The following HORMAD2 variants were observed in gnomAD, a reference collection of about 807,000 sequenced individuals.
HORMAD2 encodes HORMA domain containing 2.
Under a neutral mutation model 38.8 loss-of-function variants are expected in HORMAD2, and 45 were observed. The observed-to-expected ratio is 1.16, with a 90% CI of 0.91 to 1.49. The LOEUF (loss-of-function observed/expected upper bound fraction) is 1.49, where lower values mean the gene tolerates loss of function less well. HORMAD2 is among the 40% of genes most tolerant of loss of function. The pLI is 0.00. For missense variants in HORMAD2, 338 were observed against 367.0 expected, an observed-to-expected ratio of 0.92 and a Z score of 0.65; for synonymous variants, 126 against 122.8, an observed-to-expected ratio of 1.03 and a Z score of -0.17.
At chr22:30,187,522 T>G in the HORMAD2 span, among the ~76,000 whole-genome samples, 5 of 152,194 alleles carry the variant, frequency 3.3e-5, no homozygotes, top group East Asian at 9.6e-4. Flanking sequence ...TGTGTGTGTG[T>G]GTGTGTGTGT....
intron 7 of HORMAD2, 150 bp downstream of exon 7, chr22:30,112,672 C>T (rs995342749): frequency 1.1e-5 from 5 of 436,894 alleles, no homozygotes; most frequent in Non-Finnish European, 1.2e-5. Context: ...TTACTCTAAA[C>T]TTGACCAATC....
the HORMAD2 span, among the ~76,000 whole-genome samples, chr22:30,203,993 A>G: frequency 6.6e-6 from 1 of 152,112 alleles, no homozygotes; most frequent in African/African-American, 2.4e-5. Flanking sequence ...GCACACACAC[A>G]TGTGCATCCT....
At chr22:30,100,323 A>G (rs1920934113) in intron 3 of HORMAD2, among the ~76,000 whole-genome samples, 2 of 152,370 alleles carry the variant, frequency 1.3e-5, no homozygotes, top group South Asian at 4.1e-4. Flanking sequence ...TGACAAAAAC[A>G]AGCATTGAGT....
At chr22:30,133,051 C>A (rs531486296) in intron 10 of HORMAD2, among the ~76,000 whole-genome samples, 1 of 152,172 alleles carries the variant, frequency 6.6e-6, no homozygotes, top group South Asian at 2.1e-4. Context: ...ACAATGTTAT[C>A]ATTACACCAA....
At position 30,137,289 on chromosome 22, in the gene HORMAD2, T is replaced by G. The variant is rs73883373; in HGVS notation, c.819+15075T>G. The G allele has an allele frequency of 5.4e-3, 2,874 of 531,694 alleles. 77 individuals are homozygous for G. Among genetic ancestry groups the G allele is most frequent in the African/African-American group, 0.051 (2,648 of 52,366 alleles). The allele number at this position is 531,694 out of a possible 1,614,324, so 32.9% of individuals were successfully genotyped here. A position where few individuals can be genotyped will look rare whatever the true frequency, so the allele number is the denominator to read the frequency against. ...ACACATGACCCTTGAGGCCATCAGA[T>G]GCAATTTTGATTCCTTGAGTCCTGG... On this transcript the variant is annotated intron_variant, in intron 10 of 10. Transcript: ENST00000336726.
chr22:30,092,988 T>C (rs1463487519), intron 1 of HORMAD2, among the ~76,000 whole-genome samples: 1 of 152,230 alleles, frequency 6.6e-6, no homozygotes, highest in Non-Finnish European at 1.5e-5. Context: ...TGTGGTTCCA[T>C]AGGAATTTTA....
chr22:30,151,439 A>C (rs1924743112), intron 10 of HORMAD2, among the ~76,000 whole-genome samples: 3 of 152,202 alleles, frequency 2.0e-5, no homozygotes, highest in African/African-American at 7.2e-5. Context: ...CTGAAGTATA[A>C]ATATAATACT....
At chr22:30,175,237 T>TTATATATAATATAATATAGAA (rs1555957001) in intron 10 of HORMAD2, among the ~76,000 whole-genome samples, 7 of 63,060 alleles carry the variant, frequency 1.1e-4, no homozygotes, top group Admixed American at 5.1e-4. Context: ...ATAGAATATA[T>TTATATATAATATAATATAGAA]TATATATAAT....
intron 1 of HORMAD2, among the ~76,000 whole-genome samples, chr22:30,090,991 C>A (rs1253879361): frequency 6.6e-6 from 1 of 152,152 alleles, no homozygotes; most frequent in African/African-American, 2.4e-5. Context: ...CCCTATCCAA[C>A]CTCCTCCCTG....
chr22:30,105,751 C>T (rs1352912654), intron 5 of HORMAD2, among the ~76,000 whole-genome samples: 2 of 152,168 alleles, frequency 1.3e-5, no homozygotes, highest in Non-Finnish European at 1.5e-5. Flanking sequence ...GCTGTATCTG[C>T]TCTTAAAATA....
intron 10 of HORMAD2, among the ~76,000 whole-genome samples, chr22:30,172,655 A>G (rs1926180751): frequency 1.3e-5 from 2 of 152,302 alleles, no homozygotes; most frequent in African/African-American, 4.8e-5. Flanking sequence ...TGGGAGGCCA[A>G]CGCATGCGGA....
chr22:30,118,895 A>T, intron 7 of HORMAD2, 85 bp from the exon 8 acceptor site: 1 of 876,862 alleles, frequency 1.1e-6, no homozygotes, highest in Non-Finnish European at 1.8e-6. Context: ...ATATACAGTG[A>T]AAATGTTCCT....
chr22:30,111,695 T>C, intron 5 of HORMAD2, 101 bp from the exon 6 acceptor site: 1 of 976,216 alleles, frequency 1.0e-6, no homozygotes, highest in Non-Finnish European at 1.5e-6. Flanking sequence ...CCCAAATCTT[T>C]CGAACCTCTC....
At chr22:30,136,615 T>TCC (rs1457006977) in intron 10 of HORMAD2, 1 of 145,920 alleles carries the variant, frequency 6.9e-6, no homozygotes, top group African/African-American at 2.5e-5. Context: ...TCTTTTCTTC[T>TCC]TCTTTTTTTT....
the HORMAD2 span, among the ~76,000 whole-genome samples, chr22:30,198,024 T>TA: frequency 0.9 from 135,888 of 150,660 alleles, 61,341 homozygotes; most frequent in East Asian, 1. Flanking sequence ...AAAAATATAT[T>TA]AAAAAAAAAA....
At chr22:30,201,493 T>C in the HORMAD2 span, among the ~76,000 whole-genome samples, 5 of 143,868 alleles carry the variant, frequency 3.5e-5, no homozygotes, top group African/African-American at 1.3e-4. Flanking sequence ...CTCAGCTCAC[T>C]GCAGGCTCCG....
At chr22:30,095,650 C>T (rs59342789) in intron 2 of HORMAD2, among the ~76,000 whole-genome samples, 1 of 152,076 alleles carries the variant, frequency 6.6e-6, no homozygotes, top group Non-Finnish European at 1.5e-5. Flanking sequence ...GTCTCAGAAC[C>T]TAAAACAGTA....
the HORMAD2 span, among the ~76,000 whole-genome samples, chr22:30,183,801 G>C: frequency 2.6e-5 from 4 of 152,188 alleles, no homozygotes; most frequent in East Asian, 7.7e-4. Flanking sequence ...GGTTGATATA[G>C]AAGGAAGTTG....
In HORMAD2 at chr22:30,098,722, T is replaced by C. The variant is rs1920925509; in HGVS notation, c.52-130T>C. ...AATGTAATATTCAAAGCGCTATTTC[T>C]TTTTGATTACCTTCAAAGATATCAA... On this transcript the variant is annotated intron_variant, in intron 2 of 10. Coordinates refer to ENST00000336726, the MANE Select transcript of HORMAD2 (RefSeq NM_152510.4). The C allele has an allele frequency of 4.2e-6, 3 of 716,646 alleles. No individual in the cohort carries two copies. In the South Asian group the frequency reaches 9.1e-5, roughly 22 times the overall value. The allele number at this position is 716,646 out of a possible 1,614,324, so 44.4% of individuals were successfully genotyped here.
Sources: allele counts gnomAD v4.1 joint callset (sites outside exome capture counted in the v4.1 genomes callset), GRCh38; gene constraint gnomAD v4.1.1; transcripts MANE v1.5; gene names NCBI Gene and HGNC (gene_info 2026-07-23, HGNC 2026-07-21).